Variants in RBFOX1 observed in about 807,000 individuals in gnomAD.
The protein encoded by RBFOX1 is RNA binding protein fox-1 homolog 1.
Under a neutral mutation model 57.7 loss-of-function variants are expected in RBFOX1, and 8 were observed. That is an observed-to-expected ratio of 0.14 (90% CI 0.08 to 0.25). RBFOX1 has a LOEUF of 0.25. RBFOX1 is among the 10% of genes least tolerant of loss of function. The pLI is 1.00. For synonymous variants in RBFOX1, 326 were observed against 222.4 expected, an observed-to-expected ratio of 1.47 and a Z score of -4.15; for missense variants, 611 against 548.5, an observed-to-expected ratio of 1.11 and a Z score of -1.14.
intron 1 of RBFOX1, among the ~76,000 whole-genome samples, chr16:5,363,630 G>A (rs970977073): frequency 2.6e-5 from 4 of 152,170 alleles, no homozygotes; most frequent in Non-Finnish European, 4.4e-5. Flanking sequence ...TAGGTAGGTA[G>A]CACCTTGTAC....
intron 4 of RBFOX1, among the ~76,000 whole-genome samples, chr16:7,438,935 G>A (rs2098743823): frequency 6.6e-6 from 1 of 152,154 alleles, no homozygotes; most frequent in Admixed American, 6.5e-5. Flanking sequence ...GGAATAAAAA[G>A]AAAGCCATTT....
Position 5,782,418 on chromosome 16 carries a change from G to A in RBFOX1, c.319-84885G>A, listed in dbSNP as rs564770192. ...CAAGCTCTTTTATAATGACATTAAT[G>A]CATTTGAGAGGGCAGAGCCCTTATG... is the stretch of plus-strand genomic sequence containing the variant. On this transcript the variant is annotated intron_variant, in intron 3 of 19. Transcript: ENST00000641259. 1.1e-3 allele frequency among the ~76,000 whole-genome samples: 174 copies of A among 152,280 alleles called. 1 individual carries two copies. Among genetic ancestry groups the A allele is most frequent in the African/African-American group, 3.7e-3 (153 of 41,556 alleles).
At chr16:5,887,098 A>C (rs1187238548) in intron 4 of RBFOX1, among the ~76,000 whole-genome samples, 1 of 152,196 alleles carries the variant, frequency 6.6e-6, no homozygotes, top group Non-Finnish European at 1.5e-5. Context: ...ACAACCAAAA[A>C]TGTTTCCAGA....
intron 2 of RBFOX1, among the ~76,000 whole-genome samples, chr16:6,563,899 C>G (rs113791563): frequency 3.5e-4 from 53 of 150,654 alleles, no homozygotes; most frequent in African/African-American, 1.0e-3. Context: ...TGTATATGTG[C>G]GTATATGTGT....
intron 3 of RBFOX1, among the ~76,000 whole-genome samples, chr16:7,005,271 C>G (rs959847394): frequency 2.8e-4 from 43 of 152,110 alleles, no homozygotes; most frequent in Non-Finnish European, 8.8e-5. Context: ...TTCAAGAGAA[C>G]CTAAAGATAC....
intron 4 of RBFOX1, among the ~76,000 whole-genome samples, chr16:7,310,413 C>T (rs1045397478): frequency 6.6e-6 from 1 of 152,062 alleles, no homozygotes; most frequent in Non-Finnish European, 1.5e-5. Flanking sequence ...AATTTGGAAC[C>T]AGGGTTGGTG....
At chr16:7,510,814 G>C (rs533277309) in intron 4 of RBFOX1, among the ~76,000 whole-genome samples, 1 of 152,170 alleles carries the variant, frequency 6.6e-6, no homozygotes, top group Non-Finnish European at 1.5e-5. Flanking sequence ...AGTCCATGCT[G>C]GTGGGGGGTC....
intron 4 of RBFOX1, among the ~76,000 whole-genome samples, chr16:5,975,112 C>G (rs1371546540): frequency 2.6e-5 from 4 of 152,132 alleles, no homozygotes; most frequent in African/African-American, 9.7e-5. Context: ...ACAAAAGTGC[C>G]TTTGATGCCT....
intron 3 of RBFOX1, among the ~76,000 whole-genome samples, chr16:6,662,283 C>T (rs1354721262): frequency 1.3e-5 from 2 of 151,436 alleles, no homozygotes; most frequent in Non-Finnish European, 2.9e-5. Context: ...CTCAACTGTT[C>T]TCACACACAC....
At chr16:5,923,760 C>G (rs1367592692) in intron 4 of RBFOX1, among the ~76,000 whole-genome samples, 9 of 152,000 alleles carry the variant, frequency 5.9e-5, no homozygotes, top group Admixed American at 5.9e-4. Context: ...AGACTGGTCT[C>G]AAACTCCTGA....
rs2086265218 is a variant in RBFOX1 at position 6,974,290 on chromosome 16, ATAAC to A, written c.-15-77766_-15-77763del. 2.0e-5 allele frequency among the ~76,000 whole-genome samples: 3 copies of A among 149,506 alleles called. No homozygotes were observed. The South Asian group carries it at 6.4e-4, about 32-fold the overall frequency. ...GTTTGAGTTGGTGTCATTTTAGTAA[ATAAC>A]AGTCCAGTTTGTGGTGATATAAATC... On this transcript the variant is annotated intron_variant, in intron 3 of 15. Coordinates refer to ENST00000550418, the MANE Select transcript of RBFOX1 (RefSeq NM_018723.4).
intron 3 of RBFOX1, among the ~76,000 whole-genome samples, chr16:6,775,075 C>G (rs1056089917): frequency 6.6e-6 from 1 of 151,384 alleles, no homozygotes; most frequent in Non-Finnish European, 1.5e-5. Flanking sequence ...CCTGTAATCC[C>G]AGCACTTTGG....
chr16:7,646,785 A>C (rs1266021406), intron 11 of RBFOX1, among the ~76,000 whole-genome samples: 1 of 151,946 alleles, frequency 6.6e-6, no homozygotes, highest in Non-Finnish European at 1.5e-5. Context: ...AGTATTTTCC[A>C]CTGGTTTTGT....
chr16:7,415,294 C>T (rs1026816648), intron 4 of RBFOX1, among the ~76,000 whole-genome samples: 3 of 152,174 alleles, frequency 2.0e-5, no homozygotes, highest in Non-Finnish European at 4.4e-5. Context: ...CACTGGCTAG[C>T]ATTATAATCC....
At chr16:6,819,705 C>CAAAAAAAAAAAAAAAAAAAAAAAAA (rs1181614275) in intron 3 of RBFOX1, among the ~76,000 whole-genome samples, 2 of 20,636 alleles carry the variant, frequency 9.7e-5, no homozygotes, top group Non-Finnish European at 1.6e-4. Context: ...AACTCTGACT[C>CAAAAAAAAAAAAAAAAAAAAAAAAA]AAAAAAAAAA....
chr16:6,652,122 G>A (rs1307240283), intron 2 of RBFOX1, among the ~76,000 whole-genome samples: 2 of 152,082 alleles, frequency 1.3e-5, no homozygotes, highest in African/African-American at 2.4e-5. Flanking sequence ...TGTCATAAGG[G>A]TGGGGTCTTA....
At chr16:7,101,899 G>C (rs1388754118) in intron 4 of RBFOX1, among the ~76,000 whole-genome samples, 1 of 152,136 alleles carries the variant, frequency 6.6e-6, no homozygotes, top group Non-Finnish European at 1.5e-5. Context: ...CCAAAGCATG[G>C]AGACCAGGTG....
intron 1 of RBFOX1, among the ~76,000 whole-genome samples, chr16:5,451,586 G>A (rs1393397024): frequency 2.6e-5 from 4 of 152,188 alleles, no homozygotes; most frequent in Non-Finnish European, 5.9e-5. Flanking sequence ...TTTAGAAAGA[G>A]CAGATAGAAA....
At chr16:7,686,381 TTTG>T (rs1187992098) in intron 14 of RBFOX1, among the ~76,000 whole-genome samples, 15 of 152,076 alleles carry the variant, frequency 9.9e-5, no homozygotes, top group African/African-American at 3.4e-4. Flanking sequence ...GCCTTGGATA[TTTG>T]TTATCTTTTC....
Sources: allele counts gnomAD v4.1 joint callset (sites outside exome capture counted in the v4.1 genomes callset), GRCh38; gene constraint gnomAD v4.1.1; transcripts MANE v1.5; gene names NCBI Gene and HGNC (gene_info 2026-07-23, HGNC 2026-07-21).